The following GPR35 variants were observed in gnomAD, a reference collection of about 807,000 sequenced individuals.
The protein encoded by GPR35 is KYNA receptor.
For missense variants in GPR35, 372 were observed against 422.5 expected (o/e 0.88, Z 1.05); for synonymous variants, 207 against 198.4 (o/e 1.04, Z -0.36).
chr2:240,624,981 T>C (rs2043352597), upstream of GPR35, among the ~76,000 whole-genome samples: 1 of 151,994 alleles, frequency 6.6e-6, no homozygotes, highest in African/African-American at 2.4e-5. Context: ...CATGTGTGTG[T>C]GCATGTGTGC....
At chr2:240,619,319 G>A (rs926067660) in intron 5 of GPR35, among the ~76,000 whole-genome samples, 1 of 152,160 alleles carries the variant, frequency 6.6e-6, no homozygotes. Flanking sequence ...TTTGAGCATC[G>A]TTTCGTATCT....
chr2:240,618,396 A>G (rs2043259829), intron 4 of GPR35, among the ~76,000 whole-genome samples: 1 of 152,256 alleles, frequency 6.6e-6, no homozygotes, highest in African/African-American at 2.4e-5. Context: ...GAAAATGATT[A>G]CTTAAAATAA....
upstream of GPR35, among the ~76,000 whole-genome samples, chr2:240,620,971 G>T (rs1227346214): frequency 6.6e-6 from 1 of 152,256 alleles, no homozygotes; most frequent in African/African-American, 2.4e-5. Context: ...GGCAAGATCA[G>T]TGGGGGAGGG....
chr2:240,623,272 A>G (rs1035776346), upstream of GPR35, among the ~76,000 whole-genome samples: 1 of 152,126 alleles, frequency 6.6e-6, no homozygotes, highest in African/African-American at 2.4e-5. Flanking sequence ...CTGTGATAAA[A>G]TCAAACAGGG....
chr2:240,625,600 C>T, intron 1 of GPR35, 32 bp downstream of exon 1: 1 of 947,918 alleles, frequency 1.1e-6, no homozygotes, highest in Non-Finnish European at 1.2e-6. Context: ...AGGGGCCTCC[C>T]AGCGGGGCAG....
chr2:240,623,026 G>T (rs778945440), upstream of GPR35, among the ~76,000 whole-genome samples: 3 of 149,904 alleles, frequency 2.0e-5, no homozygotes, highest in Non-Finnish European at 4.4e-5. Flanking sequence ...TCGAAGAAGG[G>T]CCTGAGCAGC....
chr2:240,631,915 G>A lies in GPR35; in HGVS notation c.*1033G>A, dbSNP rs943705531. Among the ~76,000 whole-genome samples, 2 of 152,246 alleles carry A rather than the reference G, an allele frequency of 1.3e-5. No homozygotes were observed. The highest frequency in any genetic ancestry group is 2.4e-5 in the African/African-American group (1 of 41,474). On this transcript the variant is annotated 3_prime_UTR_variant, in exon 2 of 2. Coordinates refer to ENST00000407714, the MANE Select transcript of GPR35 (RefSeq NM_005301.5). ...TCCACAGGACTGGAGAGAGATGGCA[G>A]TCATGTTCTGGCAGGGACATGGCAC...
At chr2:240,615,068 C>T (rs778856840) in intron 2 of GPR35, among the ~76,000 whole-genome samples, 13 of 151,842 alleles carry the variant, frequency 8.6e-5, no homozygotes, top group Non-Finnish European at 1.8e-4. Flanking sequence ...AGTATATGTG[C>T]ATGTGTGTAT....
chr2:240,622,143 G>A (rs1297036708), upstream of GPR35, among the ~76,000 whole-genome samples: 2 of 152,138 alleles, frequency 1.3e-5, no homozygotes, highest in Non-Finnish European at 2.9e-5. Flanking sequence ...GCCTCCCAAA[G>A]TGCTGGGATT....
chr2:240,626,724 C>T (rs946894014), intron 1 of GPR35, among the ~76,000 whole-genome samples: 4 of 152,130 alleles, frequency 2.6e-5, no homozygotes, highest in South Asian at 2.1e-4. Flanking sequence ...GTCACAGGTA[C>T]GGGGGACTCT....
upstream of GPR35, among the ~76,000 whole-genome samples, chr2:240,623,029 T>C (rs936085255): frequency 1.3e-5 from 2 of 148,262 alleles, no homozygotes; most frequent in African/African-American, 5.1e-5. Context: ...AAGAAGGGCC[T>C]GAGCAGCAGC....
At position 240,605,536 on chromosome 2, in the gene GPR35, C is replaced by T. The variant is rs75768609; in HGVS notation, c.-837C>T. ...GTCTTCTCTTTCACAGTCCTCCAGG[C>T]TTGGGCCAGCCTTGGGGGCAGCAGA... On this transcript the variant is annotated 5_prime_UTR_variant, in exon 1 of 6. Coordinates refer to the GPR35 transcript ENST00000319838. The T allele has an allele frequency of 0.016, 2,458 of 152,466 alleles. 55 individuals are homozygous for T. Among genetic ancestry groups the T allele is most frequent in the African/African-American group, 0.056 (2,310 of 41,580 alleles). The allele number at this position is 152,466 out of a possible 1,614,324, so 9.4% of individuals were successfully genotyped here.
At chr2:240,620,919 G>A (rs554792980), upstream of GPR35, among the ~76,000 whole-genome samples, 184 of 152,344 alleles carry the variant, frequency 1.2e-3, 2 homozygotes, top group African/African-American at 4.2e-3. Flanking sequence ...GAGACCCTGT[G>A]TCCTGGTCCC....
rs537805649 is a variant in GPR35 at position 240,619,746 on chromosome 2, C to G, written c.-5+715C>G. Reference sequence around the variant, plus strand: ...ACTCCTCCCTCCCCGCCAGACTCCCCCAACCGGAGGTCTCCCCAGAGTGGA... The same window carrying G: ...ACTCCTCCCTCCCCGCCAGACTCCCGCAACCGGAGGTCTCCCCAGAGTGGA... On this transcript the variant is annotated intron_variant, in intron 5 of 5. Transcript: ENST00000319838. Among the ~76,000 whole-genome samples, 25 of 152,362 alleles carry G rather than the reference C, an allele frequency of 1.6e-4. No homozygotes were observed. The East Asian group carries it at 4.8e-3, about 29-fold the overall frequency.
At chr2:240,609,043 T>G (rs185132289) in intron 2 of GPR35, among the ~76,000 whole-genome samples, 1 of 152,344 alleles carries the variant, frequency 6.6e-6, no homozygotes, top group Non-Finnish European at 1.5e-5. Context: ...TGTATTATTC[T>G]TCTGATGTCT....
At chr2:240,625,311 C>A, upstream of GPR35, 1 of 985,602 alleles carries the variant, frequency 1.0e-6, no homozygotes. Flanking sequence ...CAGCCGGCAC[C>A]CCACTTCCCT....
At chr2:240,612,955 C>G (rs1344002654) in intron 2 of GPR35, among the ~76,000 whole-genome samples, 1 of 152,224 alleles carries the variant, frequency 6.6e-6, no homozygotes, top group African/African-American at 2.4e-5. Flanking sequence ...GGACATAACC[C>G]AGCCTCAGCT....
chr2:240,621,490 T>C (rs890869530), upstream of GPR35, among the ~76,000 whole-genome samples: 15 of 152,090 alleles, frequency 9.9e-5, no homozygotes, highest in African/African-American at 3.1e-4. Context: ...CCTGACCTCG[T>C]GATCCCCCTG....
chr2:240,631,049 G>T lies in GPR35; in HGVS notation c.*167G>T. 1.6e-6 allele frequency: 1 copy of T among 634,830 alleles called. No homozygotes were observed. Among genetic ancestry groups the T allele is most frequent in the Admixed American group, 2.9e-5 (1 of 34,182 alleles). The allele number at this position is 634,830 out of a possible 1,614,324, so 39.3% of individuals were successfully genotyped here. A position where few individuals can be genotyped will look rare whatever the true frequency, so the allele number is the denominator to read the frequency against. ...GGACGGCCCAGGTACCTGCTCTCTTGGGAAGAGAGAGGGACAGGGACAAGG... is the reference window on the plus strand; with the variant it reads ...GGACGGCCCAGGTACCTGCTCTCTTTGGAAGAGAGAGGGACAGGGACAAGG... On this transcript the variant is annotated 3_prime_UTR_variant, in exon 2 of 2. Transcript: ENST00000407714.
Sources: allele counts gnomAD v4.1 joint callset (sites outside exome capture counted in the v4.1 genomes callset), GRCh38; gene constraint gnomAD v4.1.1; transcripts MANE v1.5; gene names NCBI Gene and HGNC (gene_info 2026-07-23, HGNC 2026-07-21).